Variants in DENND4C observed in about 807,000 individuals in gnomAD.
The protein encoded by DENND4C is DENN domain containing 4C.
DENND4C carries 108 observed loss-of-function variants against 203.0 expected under a neutral mutation model. The ratio of observed to expected loss-of-function variants is 0.53; its 90% CI spans 0.46 to 0.62. The LOEUF (loss-of-function observed/expected upper bound fraction) is 0.62, where lower values mean the gene tolerates loss of function less well. DENND4C is among the 20% of genes least tolerant of loss of function. DENND4C has a pLI of 0.00. For synonymous variants in DENND4C, 871 were observed against 792.4 expected, an observed-to-expected ratio of 1.10 and a Z score of -1.67; for missense variants, 2,481 against 2,301.2, an observed-to-expected ratio of 1.08 and a Z score of -1.60.
At chr9:19,248,883 C>T (rs979677406) in intron 1 of DENND4C, among the ~76,000 whole-genome samples, 2 of 151,712 alleles carry the variant, frequency 1.3e-5, no homozygotes, top group East Asian at 3.9e-4. Context: ...CTGCAGCCTC[C>T]GCCTCCTGGT....
At chr9:19,309,374 A>G (rs1488325289) in intron 10 of DENND4C, among the ~76,000 whole-genome samples, 1 of 151,366 alleles carries the variant, frequency 6.6e-6, no homozygotes, top group Non-Finnish European at 1.5e-5. Flanking sequence ...GTCAGTTGAG[A>G]TCGTGTCATT....
chr9:19,250,607 G>A (rs1490260472), intron 1 of DENND4C, among the ~76,000 whole-genome samples: 4 of 152,262 alleles, frequency 2.6e-5, no homozygotes, highest in African/African-American at 9.6e-5. Flanking sequence ...AGTTTCCTCC[G>A]CCGATTAGCT....
intron 1 of DENND4C, among the ~76,000 whole-genome samples, chr9:19,246,289 A>G (rs1428232351): frequency 6.6e-6 from 1 of 152,108 alleles, no homozygotes; most frequent in African/African-American, 2.4e-5. Context: ...GAGAAAACAA[A>G]TACGCTAGCT....
rs997192286 is a variant in DENND4C, at chr9:19,300,112, A to G, written c.1167-75A>G. The G allele has an allele frequency of 2.8e-6, 4 of 1,404,188 alleles. No homozygotes were observed. The African/African-American group carries it at 5.7e-5, about 20-fold the overall frequency. 87.0% of individuals were successfully genotyped at this position (1,404,188 alleles called of 1,614,324 possible). A position where few individuals can be genotyped will look rare whatever the true frequency, so the allele number is the denominator to read the frequency against. ...AACACTAGACTCTCAATCTGTTGAT[A>G]CTTTAATAAGCAAATCTTAACATAT... On this transcript the variant is annotated intron_variant, in intron 8 of 32. Coordinates refer to ENST00000434457, the MANE Select transcript of DENND4C (RefSeq NM_001330640.2).
At chr9:19,233,615 C>A (rs894020005) in intron 1 of DENND4C, among the ~76,000 whole-genome samples, 3 of 138,674 alleles carry the variant, frequency 2.2e-5, no homozygotes, top group Non-Finnish European at 4.5e-5. Context: ...AGCTGGAGTG[C>A]AGTGGTGTGA....
chr9:19,264,096 T>G (rs1423963652), intron 1 of DENND4C, among the ~76,000 whole-genome samples: 1 of 152,148 alleles, frequency 6.6e-6, no homozygotes, highest in African/African-American at 2.4e-5. Context: ...CTTTAAATCT[T>G]TGGTAAAATT....
At chr9:19,262,076 CTTTTTTTTTTTTTTTT>C (rs60223074) in intron 1 of DENND4C, among the ~76,000 whole-genome samples, 2 of 55,444 alleles carry the variant, frequency 3.6e-5, no homozygotes, top group African/African-American at 6.0e-5. Flanking sequence ...TTTATTAGTT[CTTTTTTTTTTTTTTTT>C]TTTTTTTTTT....
chr9:19,316,039 C>A (rs186084385), intron 10 of DENND4C, among the ~76,000 whole-genome samples: 145 of 152,170 alleles, frequency 9.5e-4, no homozygotes, highest in African/African-American at 3.4e-3. Context: ...TACTTAAATT[C>A]CAGTTCTTGT....
chr9:19,314,233 T>A (rs1196507172), intron 10 of DENND4C, among the ~76,000 whole-genome samples: 2 of 152,174 alleles, frequency 1.3e-5, no homozygotes, highest in East Asian at 3.9e-4. Flanking sequence ...TGCAGGCGGA[T>A]CACGAGGTCA....
intron 4 of DENND4C, among the ~76,000 whole-genome samples, chr9:19,289,317 A>G (rs2131140703): frequency 6.6e-6 from 1 of 152,314 alleles, no homozygotes; most frequent in East Asian, 1.9e-4. Flanking sequence ...AATAGAAAAG[A>G]TACTGGAATA....
chr9:19,366,536 G>A (rs1216994213), intron 30 of DENND4C, among the ~76,000 whole-genome samples: 1 of 152,080 alleles, frequency 6.6e-6, no homozygotes, highest in Non-Finnish European at 1.5e-5. Flanking sequence ...CCCAGGAGGC[G>A]GAGCTTGCAG....
At chr9:19,370,991 C>T (rs1347663615) in intron 31 of DENND4C, among the ~76,000 whole-genome samples, 1 of 152,142 alleles carries the variant, frequency 6.6e-6, no homozygotes, top group Non-Finnish European at 1.5e-5. Context: ...TCTTCACAGT[C>T]TGTAATATGA....
At chr9:19,340,947 A>C in intron 20 of DENND4C, 45 bp from the exon 21 acceptor site, 3 of 1,508,602 alleles carry the variant, frequency 2.0e-6, no homozygotes. Flanking sequence ...ATGAATTATA[A>C]GTATATGAAA....
intron 1 of DENND4C, among the ~76,000 whole-genome samples, chr9:19,268,223 C>T (rs1453019115): frequency 6.6e-6 from 1 of 151,976 alleles, no homozygotes. Context: ...CCTCAGCCTC[C>T]TGAGTAGCTG....
chr9:19,332,097 A>C lies in DENND4C; in HGVS notation c.2373A>C (p.Arg791Ser), dbSNP rs1819352186. Residue 791 changes from arginine (R) to serine (S), a missense_variant, in exon 17 of 33, where the codon AGA (arginine) becomes AGC (serine). Around this residue, in one of 3 missense-constraint regions of DENND4C, gnomAD observed 2,289 missense variants for 2,113.3 expected, o/e 1.08. Coordinates refer to ENST00000434457, the MANE Select transcript of DENND4C (RefSeq NM_001330640.2). ...TTATTTGTCTTCCGGCCTATGTTAG[A>C]GTTTCTCATCCTAAAGTCAGAGCAC... The part of the protein sequence containing the change: ...LWFICLPAYV[R>S]VSHPKVRALQ... 4 of 1,614,090 alleles carry C rather than the reference A, an allele frequency of 2.5e-6. No individual in the cohort carries two copies. Among genetic ancestry groups the C allele is most frequent in the Non-Finnish European group, 3.4e-6 (4 of 1,179,988 alleles).
At chr9:19,367,354 A>G (rs1386389882) in intron 30 of DENND4C, among the ~76,000 whole-genome samples, 4 of 152,258 alleles carry the variant, frequency 2.6e-5, no homozygotes, top group African/African-American at 9.6e-5. Flanking sequence ...TACCTAAGAG[A>G]AATGATGTCC....
chr9:19,291,749 G>A (rs1320941542), intron 5 of DENND4C, among the ~76,000 whole-genome samples: 3 of 151,054 alleles, frequency 2.0e-5, no homozygotes, highest in Admixed American at 2.0e-4. Flanking sequence ...TACATGAAGG[G>A]ATAATTAATG....
intron 12 of DENND4C, among the ~76,000 whole-genome samples, chr9:19,317,536 A>G (rs1486806977): frequency 6.6e-6 from 1 of 152,080 alleles, no homozygotes; most frequent in Non-Finnish European, 1.5e-5. Flanking sequence ...ATGTGAAATT[A>G]TTTTACTTCT....
At chr9:19,357,354 T>A (rs1006428817) in intron 27 of DENND4C, 200 bp downstream of exon 27, 2 of 510,322 alleles carry the variant, frequency 3.9e-6, no homozygotes, top group Non-Finnish European at 6.8e-6. Context: ...TTTAATATTT[T>A]ACAGTTGTCT....
Sources: allele counts gnomAD v4.1 joint callset (sites outside exome capture counted in the v4.1 genomes callset), GRCh38; gene constraint gnomAD v4.1.1; regional missense constraint gnomAD v4.1.1; transcripts MANE v1.5; gene names NCBI Gene and HGNC (gene_info 2026-07-23, HGNC 2026-07-21).